Variants in GRB7 observed in about 807,000 individuals in gnomAD.
GRB7 encodes growth factor receptor-bound protein 7.
GRB7 carries 47 observed loss-of-function variants against 64.1 expected under a neutral mutation model. The ratio of observed to expected loss-of-function variants is 0.73; its 90% CI spans 0.58 to 0.94. The LOEUF is 0.94. Ranked by LOEUF, GRB7 falls within the 40% of genes least tolerant of loss-of-function variation. GRB7 has a pLI of 0.00. For synonymous variants in GRB7, 277 were observed against 279.9 expected (o/e 0.99, Z 0.10); for missense variants, 634 against 718.4 (o/e 0.88, Z 1.34).
intron 7 of GRB7, 102 bp from the exon 8 acceptor site, chr17:39,744,451 C>G: frequency 2.0e-6 from 2 of 978,672 alleles, no homozygotes; most frequent in Non-Finnish European, 3.1e-6. Context: ...GGGTATTCCC[C>G]TGCCCCTCTC....
chr17:39,743,176 C>T lies in GRB7; in HGVS notation c.464-4C>T. ...TAACCCCTGCTTTTTGCCCTTGTCC[C>T]CAGAGCGGGGTTTGGAGGACCACGA... is the stretch of plus-strand genomic sequence containing the variant. On this transcript the variant is annotated splice_region_variant and splice_polypyrimidine_tract_variant and intron_variant, in intron 4 of 14. Coordinates refer to ENST00000309156, the MANE Select transcript of GRB7 (RefSeq NM_005310.5). 1.2e-6 allele frequency: 2 copies of T among 1,614,022 alleles called. No homozygotes were observed. Among genetic ancestry groups the T allele is most frequent in the Non-Finnish European group, 1.7e-6 (2 of 1,179,938 alleles).
In GRB7 at chr17:39,746,311, C is replaced by T. The variant is rs1462912241; in HGVS notation, c.1452+109C>T. On this transcript the variant is annotated intron_variant, in intron 14 of 14. Transcript: ENST00000309156. ...GCTCCCTGGCCCCCAGTGCGTCTCC[C>T]TTTTCCCTGCACAAGAAGTGGGAGG... The T allele has an allele frequency of 3.5e-6, 3 of 852,628 alleles. No individual in the cohort carries two copies. In the South Asian group the frequency reaches 4.4e-5, roughly 13 times the overall value. 52.8% of individuals were successfully genotyped at this position (852,628 alleles called of 1,614,324 possible). A position where few individuals can be genotyped will look rare whatever the true frequency, so the allele number is the denominator to read the frequency against.
At chr17:39,741,209 G>C (rs1403814576) in intron 1 of GRB7, among the ~76,000 whole-genome samples, 1 of 152,172 alleles carries the variant, frequency 6.6e-6, no homozygotes, top group East Asian at 1.9e-4. Context: ...TGGATGATGC[G>C]GCCCCCGCAC....
intron 4 of GRB7, 43 bp downstream of exon 4, chr17:39,743,097 C>T: frequency 6.3e-7 from 1 of 1,597,762 alleles, no homozygotes; most frequent in Non-Finnish European, 8.6e-7. Context: ...GAGATGATGC[C>T]TTGCATCTTG....
At chr17:39,738,843 T>C in intron 1 of GRB7, 1 of 1,485,196 alleles carries the variant, frequency 6.7e-7, no homozygotes, top group South Asian at 1.2e-5. Context: ...ATCCTCTAAA[T>C]TGTCGAGGCT....
chr17:39,743,955 C>T (rs1305493140), intron 6 of GRB7, 115 bp from the exon 7 acceptor site: 25 of 1,350,964 alleles, frequency 1.9e-5, no homozygotes, highest in Non-Finnish European at 2.4e-5. Context: ...ATCGTGCCAC[C>T]GCACTAGCAT....
intron 11 of GRB7, 36 bp from the exon 12 acceptor site, chr17:39,745,692 C>T (rs758144128): frequency 5.6e-5 from 90 of 1,609,202 alleles, no homozygotes; most frequent in Non-Finnish European, 6.5e-5. Context: ...CCCCCAAGCA[C>T]GCCCCGACTC....
intron 9 of GRB7, 53 bp from the exon 10 acceptor site, chr17:39,745,190 C>T: frequency 1.4e-6 from 2 of 1,434,060 alleles, no homozygotes; most frequent in Non-Finnish European, 9.6e-7. Flanking sequence ...GGCGTCACAG[C>T]CACGCCCCCA....
At chr17:39,743,150 A>G in intron 4 of GRB7, 30 bp from the exon 5 acceptor site, 1 of 1,612,948 alleles carries the variant, frequency 6.2e-7, no homozygotes, top group Non-Finnish European at 8.5e-7. Context: ...TTGATCTCCA[A>G]TAACCCCTGC....
At chr17:39,743,658 C>A in intron 6 of GRB7, 188 bp downstream of exon 6, 1 of 616,302 alleles carries the variant, frequency 1.6e-6, no homozygotes, top group South Asian at 1.9e-5. Flanking sequence ...GCGAGAAATG[C>A]ATGTGGAGCA....
At chr17:39,746,705 G>A in intron 14 of GRB7, 46 bp from the exon 15 acceptor site, 1 of 1,595,570 alleles carries the variant, frequency 6.3e-7, no homozygotes, top group Non-Finnish European at 8.6e-7. Flanking sequence ...AGCTTCCCAA[G>A]CCTCGGGCCC....
Position 39,745,943 on chromosome 17 carries a change from G to A in GRB7, c.1301G>A (p.Gly434Glu). The A allele has an allele frequency of 6.2e-7, 1 of 1,614,072 alleles. No individual in the cohort carries two copies. The highest frequency in any genetic ancestry group is 8.5e-7 in the Non-Finnish European group (1 of 1,179,936). ...AIHRTQLWFH[G>E]RISREESQRL... ...CACCGCACCCAACTCTGGTTCCACGGGCGCATTTCCCGTGAGGAGAGCCAG... is the reference window on the plus strand; with the variant it reads ...CACCGCACCCAACTCTGGTTCCACGAGCGCATTTCCCGTGAGGAGAGCCAG... The change falls in exon 13 of 15, where the codon GGG (glycine) becomes GAG (glutamate). Residue 434 changes from glycine (G) to glutamate (E), a missense_variant. Coordinates refer to ENST00000309156, the MANE Select transcript of GRB7 (RefSeq NM_005310.5).
intron 1 of GRB7, among the ~76,000 whole-genome samples, chr17:39,740,604 G>T (rs958568537): frequency 6.7e-6 from 1 of 149,604 alleles, no homozygotes; most frequent in Middle Eastern, 3.2e-3. Context: ...GAGCTAGGCC[G>T]AGGGTGGGGA....
chr17:39,745,678 A>G, intron 11 of GRB7, 50 bp from the exon 12 acceptor site: 3 of 1,583,768 alleles, frequency 1.9e-6, no homozygotes, highest in African/African-American at 1.3e-5. Context: ...GGTGCTGGGT[A>G]ATGCCCCCAA....
rs373132847 is a variant in GRB7 at position 39,745,318 on chromosome 17, C to G, written c.1087C>G (p.Pro363Ala). 8 of 1,611,624 alleles carry G rather than the reference C, an allele frequency of 5.0e-6. No individual in the cohort carries two copies. Among genetic ancestry groups the G allele is most frequent in the Non-Finnish European group, 6.8e-6 (8 of 1,178,560 alleles). The change falls in exon 10 of 15, where the codon CCC (proline) becomes GCC (alanine). Residue 363 changes from proline (P) to alanine (A), a missense_variant. Coordinates refer to ENST00000309156, the MANE Select transcript of GRB7 (RefSeq NM_005310.5). ...HLHPSCLGSP[P>A]LRSASDNTLV... ...GCATCCATCTTGTTTGGGCTCCCCA[C>G]CCTTGGTGAGTGTGCCCAAGGGGAT...
Position 39,745,984 on chromosome 17 carries a change from C to T in GRB7, c.1342C>T (p.Gln448Ter), listed in dbSNP as rs750145776. The change falls in exon 13 of 15, where the codon CAG becomes TAG. Residue 448 changes from glutamine (Q) to a stop codon, truncating the protein, a stop_gained. Coordinates refer to ENST00000309156, the MANE Select transcript of GRB7 (RefSeq NM_005310.5). LOFTEE classifies it high-confidence loss of function. ...GGAGAGCCAGCGGCTTATTGGACAG[C>T]AGGGCTTGGTAGACGGGTAAGGGGC... ...REESQRLIGQQGLVDGLFLVR... is the reference protein window; with the variant it reads ...REESQRLIGQ The T allele has an allele frequency of 6.2e-7, 1 of 1,614,058 alleles. No homozygotes were observed. Among genetic ancestry groups the T allele is most frequent in the Non-Finnish European group, 8.5e-7 (1 of 1,179,946 alleles).
At chr17:39,740,426 G>C (rs2059985090) in intron 1 of GRB7, among the ~76,000 whole-genome samples, 1 of 152,236 alleles carries the variant, frequency 6.6e-6, no homozygotes, top group Non-Finnish European at 1.5e-5. Flanking sequence ...GGGGCTCTGA[G>C]CGATGCTTTG....
At chr17:39,745,099 C>A in intron 9 of GRB7, 115 bp downstream of exon 9, 2 of 1,083,498 alleles carry the variant, frequency 1.8e-6, no homozygotes, top group Non-Finnish European at 2.7e-6. Context: ...TGATAACCCC[C>A]AGTCCAAGCC....
chr17:39,742,857 C>A, intron 3 of GRB7, 41 bp from the exon 4 acceptor site: 1 of 1,550,008 alleles, frequency 6.5e-7, no homozygotes, highest in Non-Finnish European at 8.7e-7. Flanking sequence ...ATGAATCACC[C>A]TTTGCCTCCC....
Sources: gnomAD v4.1 joint callset for allele counts (sites outside exome capture counted in the v4.1 genomes callset) on GRCh38, gnomAD v4.1.1 for gene constraint, MANE v1.5 for transcripts, NCBI Gene and HGNC (gene_info 2026-07-23, HGNC 2026-07-21) for gene names.